The following ZEB2 variants were observed in gnomAD, a reference collection of about 807,000 sequenced individuals.
ZEB2 encodes the protein zinc finger E-box-binding homeobox 2.
In ZEB2, 6 loss-of-function variants were observed where a neutral mutation model predicts 99.9. The observed-to-expected ratio is 0.06, with a 90% CI of 0.03 to 0.12. The LOEUF (loss-of-function observed/expected upper bound fraction) is 0.12. Among genes scored for constraint, ZEB2 ranks in the 10% least tolerant of loss-of-function variants. The pLI is 1.00. For missense variants in ZEB2, 969 were observed against 1,502.8 expected, an observed-to-expected ratio of 0.64 and a Z score of 5.87; for synonymous variants, 517 against 542.5, an observed-to-expected ratio of 0.95 and a Z score of 0.65.
At chr2:144,433,608 T>C (rs769696132) in intron 2 of ZEB2, among the ~76,000 whole-genome samples, 1 of 152,188 alleles carries the variant, frequency 6.6e-6, no homozygotes, top group Non-Finnish European at 1.5e-5. Context: ...TATATCTGCA[T>C]ATGCATTACT....
chr2:144,494,584 G>A (rs1250949340), intron 2 of ZEB2: 3 of 152,176 alleles, frequency 2.0e-5, no homozygotes, highest in Non-Finnish European at 2.9e-5. Flanking sequence ...ATATGCAGCT[G>A]TAATTTTTTT....
intron 2 of ZEB2, among the ~76,000 whole-genome samples, chr2:144,466,794 G>GTAAA (rs778681832): frequency 6.6e-6 from 1 of 152,176 alleles, no homozygotes; most frequent in Non-Finnish European, 1.5e-5. Context: ...GTGTGGTAGT[G>GTAAA]TAAATGCCTG....
intron 4 of ZEB2, among the ~76,000 whole-genome samples, chr2:144,413,609 A>T (rs888777721): frequency 6.6e-6 from 1 of 152,240 alleles, no homozygotes; most frequent in African/African-American, 2.4e-5. Flanking sequence ...CTTCCCTGAC[A>T]GATGTCTGAC....
chr2:144,516,478 T>G (rs556866042), intron 2 of ZEB2: 42 of 107,296 alleles, frequency 3.9e-4, no homozygotes, highest in African/African-American at 1.5e-3. Context: ...CGTGTGCCCC[T>G]CGAACCCCCA....
chr2:144,443,643 T>C (rs1406740553), intron 2 of ZEB2, among the ~76,000 whole-genome samples: 1 of 152,184 alleles, frequency 6.6e-6, no homozygotes, highest in Non-Finnish European at 1.5e-5. Context: ...GGAAATAAAA[T>C]GTGTATGTGC....
chr2:144,511,190 C>A (rs1156609487), intron 2 of ZEB2, among the ~76,000 whole-genome samples: 1 of 152,184 alleles, frequency 6.6e-6, no homozygotes, highest in Non-Finnish European at 1.5e-5. Context: ...ACCAGCAAGG[C>A]ACCATCTGAA....
intron 2 of ZEB2, among the ~76,000 whole-genome samples, chr2:144,484,253 G>T (rs191690564): frequency 1.6e-4 from 23 of 142,828 alleles, no homozygotes; most frequent in Admixed American, 3.6e-4. Context: ...CAATTCAAAT[G>T]TGTTTAAAAT....
At chr2:144,482,772 ATCTT>A (rs1461146645) in intron 2 of ZEB2, among the ~76,000 whole-genome samples, 3 of 144,832 alleles carry the variant, frequency 2.1e-5, no homozygotes, top group African/African-American at 7.7e-5. Context: ...CAACGGTTCT[ATCTT>A]CTACCTTTTT....
chr2:144,483,008 A>T (rs751898929), intron 2 of ZEB2, among the ~76,000 whole-genome samples: 2 of 152,150 alleles, frequency 1.3e-5, no homozygotes, highest in Non-Finnish European at 2.9e-5. Context: ...ACCAAAAAAG[A>T]TTCTTCATTC....
At chr2:144,459,758 G>A (rs922197478) in intron 2 of ZEB2, among the ~76,000 whole-genome samples, 5 of 152,152 alleles carry the variant, frequency 3.3e-5, no homozygotes, top group Admixed American at 3.3e-4. Context: ...ACGAAATAAG[G>A]TAACAGAGCT....
At chr2:144,479,957 C>A (rs1704486583) in intron 2 of ZEB2, among the ~76,000 whole-genome samples, 1 of 152,156 alleles carries the variant, frequency 6.6e-6, no homozygotes, top group South Asian at 2.1e-4. Context: ...TGGCACCAGA[C>A]ACAATCATCC....
intron 3 of ZEB2, among the ~76,000 whole-genome samples, chr2:144,425,116 G>A (rs984006034): frequency 6.6e-6 from 1 of 152,148 alleles, no homozygotes; most frequent in Admixed American, 6.5e-5. Flanking sequence ...GCAAATGAAG[G>A]GCTTTTCTTC....
intron 2 of ZEB2, among the ~76,000 whole-genome samples, chr2:144,442,763 T>C (rs1226351684): frequency 6.6e-6 from 1 of 152,180 alleles, no homozygotes; most frequent in African/African-American, 2.4e-5. Flanking sequence ...ACACTTTAGG[T>C]ATATTTTTCT....
intron 4 of ZEB2, among the ~76,000 whole-genome samples, chr2:144,411,038 C>A (rs982464291): frequency 4.1e-4 from 49 of 118,380 alleles, no homozygotes; most frequent in African/African-American, 1.4e-3. Context: ...GGTTGTGATT[C>A]TGCAATATAC....
intron 2 of ZEB2, among the ~76,000 whole-genome samples, chr2:144,454,618 C>G (rs1704096824): frequency 6.6e-6 from 1 of 152,188 alleles, no homozygotes; most frequent in Non-Finnish European, 1.5e-5. Context: ...AAACCATGCT[C>G]AGTGAGTATC....
intron 4 of ZEB2, among the ~76,000 whole-genome samples, chr2:144,411,881 G>A (rs189215740): frequency 6.6e-6 from 1 of 152,316 alleles, no homozygotes; most frequent in East Asian, 1.9e-4. Context: ...TACATTAGGG[G>A]ATTTTGAATA....
chr2:144,440,513 ATATTTTTTTTTTTTTTTT>A lies in ZEB2; in HGVS notation c.74-10505_74-10488del, dbSNP rs1326654975. 2.9e-3 allele frequency among the ~76,000 whole-genome samples: 70 copies of A among 24,088 alleles called. 1 individual carries two copies. Among genetic ancestry groups the A allele is most frequent in the African/African-American group, 6.3e-3 (34 of 5,388 alleles). The allele number at this position is 24,088 out of a possible 152,430, so 15.8% of individuals were successfully genotyped here. A position where few individuals can be genotyped will look rare whatever the true frequency, so the allele number is the denominator to read the frequency against. On this transcript the variant is annotated intron_variant, in intron 2 of 9. Coordinates refer to ENST00000627532, the MANE Select transcript of ZEB2 (RefSeq NM_014795.4). The stretch of plus-strand genomic sequence containing the variant: ...TATATATATATATATATATATATAT[ATATTTTTTTTTTTTTTTT>A]TTTTTTTTTTTAACTAGTGGTTAAC...
At chr2:144,415,918 C>T (rs1007119448) in intron 4 of ZEB2, among the ~76,000 whole-genome samples, 2 of 152,194 alleles carry the variant, frequency 1.3e-5, no homozygotes, top group East Asian at 1.9e-4. Context: ...AGCAAAATGA[C>T]GCCTGTCCCA....
chr2:144,511,268 G>A, intron 2 of ZEB2: 6 of 494,380 alleles, frequency 1.2e-5, no homozygotes, highest in Non-Finnish European at 1.8e-5. Context: ...AGGAGAGAAC[G>A]GAAAGAAGAG....
Sources: gnomAD v4.1 joint callset for allele counts (sites outside exome capture counted in the v4.1 genomes callset) on GRCh38, gnomAD v4.1.1 for gene constraint, MANE v1.5 for transcripts, NCBI Gene and HGNC (gene_info 2026-07-23, HGNC 2026-07-21) for gene names.